The following TOX2 variants were observed in gnomAD, a reference collection of about 807,000 sequenced individuals.
TOX2 encodes the protein granulosa cell HMG box 1.
Under a neutral mutation model 47.4 loss-of-function variants are expected in TOX2, and 15 were observed. That is an observed-to-expected ratio of 0.32 (90% CI 0.21 to 0.49). TOX2 has a LOEUF of 0.49. Ranked by LOEUF, TOX2 falls within the 20% of genes least tolerant of loss-of-function variation. TOX2 has a pLI of 0.99. For missense variants in TOX2, 622 were observed against 673.1 expected (o/e 0.92, Z 0.84); for synonymous variants, 290 against 296.6 (o/e 0.98, Z 0.23).
chr20:43,958,872 C>T (rs911763088), intron 1 of TOX2, among the ~76,000 whole-genome samples: 6 of 152,234 alleles, frequency 3.9e-5, no homozygotes, highest in African/African-American at 1.4e-4. Flanking sequence ...GGATTAAAGC[C>T]CTCCCAGCCC....
intron 3 of TOX2, among the ~76,000 whole-genome samples, chr20:44,047,989 C>T (rs1047080330): frequency 1.8e-4 from 27 of 151,950 alleles, no homozygotes; most frequent in African/African-American, 4.8e-4. Flanking sequence ...GAGGCTGAGA[C>T]GGGTGGATCA....
At chr20:43,941,691 ATTGAC>A (rs1221211873) in intron 1 of TOX2, among the ~76,000 whole-genome samples, 1 of 151,964 alleles carries the variant, frequency 6.6e-6, no homozygotes, top group Non-Finnish European at 1.5e-5. Flanking sequence ...GGTGTTTTCT[ATTGAC>A]TTAAGGAGGT....
chr20:44,043,449 C>G (rs1386337134), intron 3 of TOX2, among the ~76,000 whole-genome samples: 1 of 152,188 alleles, frequency 6.6e-6, no homozygotes, highest in East Asian at 1.9e-4. Context: ...TTTCATATAT[C>G]CTTGAACACC....
intron 2 of TOX2, among the ~76,000 whole-genome samples, chr20:43,985,774 C>A (rs989636585): frequency 4.6e-5 from 7 of 152,138 alleles, no homozygotes; most frequent in African/African-American, 1.7e-4. Flanking sequence ...CATCTGCTTG[C>A]GAGGTAGCAG....
At chr20:43,978,481 CTTA>C (rs3037473) in intron 2 of TOX2, among the ~76,000 whole-genome samples, 1 of 151,872 alleles carries the variant, frequency 6.6e-6, no homozygotes, top group African/African-American at 2.4e-5. Flanking sequence ...CTAGCTATGA[CTTA>C]TTATTTTTTA....
chr20:44,019,526 G>A (rs1055998635), intron 3 of TOX2, among the ~76,000 whole-genome samples: 1 of 152,260 alleles, frequency 6.6e-6, no homozygotes, highest in South Asian at 2.1e-4. Flanking sequence ...GCTCTCAGCT[G>A]AGACAGGGTT....
chr20:43,966,006 A>G (rs1047274102), intron 1 of TOX2, among the ~76,000 whole-genome samples: 9 of 152,238 alleles, frequency 5.9e-5, no homozygotes, highest in Non-Finnish European at 1.3e-4. Flanking sequence ...TTGATATATC[A>G]TAACAATGAT....
chr20:43,953,011 CAGG>C (rs774401076), intron 1 of TOX2, among the ~76,000 whole-genome samples: 6 of 151,910 alleles, frequency 3.9e-5, no homozygotes, highest in Admixed American at 6.6e-5. Flanking sequence ...GTTGCAGAAT[CAGG>C]AGAAGGTGAT....
chr20:43,927,658 CCCCTT>C (rs2069192181), intron 1 of TOX2, among the ~76,000 whole-genome samples: 1 of 115,612 alleles, frequency 8.6e-6, no homozygotes, highest in African/African-American at 4.8e-5. Flanking sequence ...CCCTTCCCTT[CCCCTT>C]CCTTCCTTCC....
chr20:43,992,427 G>T (rs1011671756), intron 2 of TOX2, among the ~76,000 whole-genome samples: 1 of 152,178 alleles, frequency 6.6e-6, no homozygotes. Context: ...CGTGCATGGG[G>T]TGTGGCATCC....
chr20:44,051,281 C>T, intron 3 of TOX2, 25 bp from the exon 4 acceptor site: 2 of 1,576,024 alleles, frequency 1.3e-6, no homozygotes, highest in Non-Finnish European at 1.7e-6. Flanking sequence ...CTTCCTAACT[C>T]AACCCTCCTG....
At chr20:43,984,545 A>T (rs1192166140) in intron 2 of TOX2, among the ~76,000 whole-genome samples, 1 of 152,206 alleles carries the variant, frequency 6.6e-6, no homozygotes, top group African/African-American at 2.4e-5. Context: ...TTTACATCCC[A>T]ATGGCCAAAA....
intron 3 of TOX2, among the ~76,000 whole-genome samples, chr20:44,036,837 C>T (rs1239980463): frequency 6.6e-6 from 1 of 152,214 alleles, no homozygotes; most frequent in Non-Finnish European, 1.5e-5. Flanking sequence ...ACAAATATAG[C>T]GAATATTTGT....
chr20:44,062,648 T>G (rs1460895793), intron 5 of TOX2, among the ~76,000 whole-genome samples: 2 of 151,984 alleles, frequency 1.3e-5, no homozygotes, highest in Admixed American at 6.6e-5. Context: ...AAAACAATCC[T>G]AAAATTCATG....
intron 2 of TOX2, among the ~76,000 whole-genome samples, chr20:44,004,090 T>C (rs537095292): frequency 5.9e-5 from 9 of 152,196 alleles, no homozygotes; most frequent in African/African-American, 1.9e-4. Flanking sequence ...AGACATTTCA[T>C]TGGATTTGAG....
intron 1 of TOX2, among the ~76,000 whole-genome samples, chr20:43,970,309 C>A (rs1428386882): frequency 1.3e-5 from 2 of 152,206 alleles, no homozygotes; most frequent in East Asian, 1.9e-4. Context: ...TAAATGAGGT[C>A]TTTTATGTAA....
chr20:43,954,757 T>G (rs1480889205), intron 1 of TOX2, among the ~76,000 whole-genome samples: 1 of 152,214 alleles, frequency 6.6e-6, no homozygotes, highest in Non-Finnish European at 1.5e-5. Flanking sequence ...TTAAATGCTC[T>G]GCCTGCCATT....
chr20:43,983,827 G>A (rs573818550), intron 2 of TOX2, among the ~76,000 whole-genome samples: 1 of 152,304 alleles, frequency 6.6e-6, no homozygotes, highest in Admixed American at 6.5e-5. Flanking sequence ...CACTATTGCT[G>A]TCCCATTTTA....
chr20:44,003,990 G>A (rs1194156880), intron 2 of TOX2, among the ~76,000 whole-genome samples: 12 of 152,210 alleles, frequency 7.9e-5, no homozygotes, highest in African/African-American at 2.7e-4. Flanking sequence ...AGCAGCCCGA[G>A]TGGCCAATGA....
Sources: allele counts gnomAD v4.1 joint callset (sites outside exome capture counted in the v4.1 genomes callset), GRCh38; gene constraint gnomAD v4.1.1; transcripts MANE v1.5; gene names NCBI Gene and HGNC (gene_info 2026-07-23, HGNC 2026-07-21).